ATP8B1: variants seen among roughly 807,000 people sequenced by gnomAD.
ATP8B1 encodes phospholipid-transporting ATPase IC.
In ATP8B1, 80 loss-of-function variants were observed where a neutral mutation model predicts 149.9. That is an observed-to-expected ratio of 0.53 (90% CI 0.45 to 0.64). ATP8B1 has a LOEUF of 0.64. Ranked by LOEUF, ATP8B1 falls within the 30% of genes least tolerant of loss-of-function variation. The pLI is 0.00. For synonymous variants in ATP8B1, 536 were observed against 562.8 expected (o/e 0.95, Z 0.67); for missense variants, 1,247 against 1,552.6 (o/e 0.80, Z 3.31).
Position 57,756,160 on chromosome 18 carries a change from G to A in ATP8B1, c.-25-24328C>T, listed in dbSNP as rs576483647. On this transcript the variant is annotated intron_variant, in intron 1 of 27. Transcript: ENST00000648908. ...CTAGAATCAGGTGTTACTTTAGGTA[G>A]CCATGTCCTTTAATCTGAAACATTT... Among the ~76,000 whole-genome samples the A allele has an allele frequency of 6.9e-5, 10 of 145,038 alleles. No individual in the cohort carries two copies. In the South Asian group the frequency reaches 2.2e-3, roughly 31 times the overall value.
intron 17 of ATP8B1, 148 bp from the exon 18 acceptor site, chr18:57,669,630 CTT>C: frequency 1.3e-6 from 1 of 798,866 alleles, no homozygotes; most frequent in Non-Finnish European, 1.9e-6. Flanking sequence ...TACAAATACA[CTT>C]TAGAGAGGGG....
At chr18:57,787,528 G>GAACAAT (rs2080421823) in intron 1 of ATP8B1, among the ~76,000 whole-genome samples, 2 of 152,104 alleles carry the variant, frequency 1.3e-5, no homozygotes, top group African/African-American at 4.8e-5. Context: ...GCTCCATCTA[G>GAACAAT]GACACTGTGG....
chr18:57,668,230 G>A (rs1190353302), intron 19 of ATP8B1, 199 bp downstream of exon 19: 2 of 1,426,118 alleles, frequency 1.4e-6, no homozygotes, highest in Non-Finnish European at 1.9e-6. Context: ...GGAAGAAACT[G>A]CTACTGAGGG....
chr18:57,783,484 G>C (rs2080376449), intron 1 of ATP8B1, among the ~76,000 whole-genome samples: 1 of 152,072 alleles, frequency 6.6e-6, no homozygotes, highest in African/African-American at 2.4e-5. Context: ...AATATGCCTG[G>C]TAGATGCTGC....
chr18:57,727,898 C>T (rs769908334), intron 2 of ATP8B1, among the ~76,000 whole-genome samples: 4 of 152,154 alleles, frequency 2.6e-5, no homozygotes, highest in Non-Finnish European at 4.4e-5. Context: ...GAGCTCATCC[C>T]ATAGCACTGA....
At chr18:57,693,295 A>C (rs1912633401) in intron 11 of ATP8B1, among the ~76,000 whole-genome samples, 1 of 152,216 alleles carries the variant, frequency 6.6e-6, no homozygotes, top group East Asian at 1.9e-4. Context: ...AGAAAAGAGC[A>C]AACATAGCAG....
intron 1 of ATP8B1, among the ~76,000 whole-genome samples, chr18:57,774,718 G>A (rs928407542): frequency 6.6e-6 from 1 of 152,208 alleles, no homozygotes; most frequent in African/African-American, 2.4e-5. Flanking sequence ...ACAGTACAAT[G>A]TACGGTAACT....
intron 1 of ATP8B1, 112 bp from the exon 2 acceptor site, chr18:57,731,944 A>G (rs542828114): frequency 6.9e-5 from 69 of 994,416 alleles, no homozygotes; most frequent in Admixed American, 1.2e-4. Flanking sequence ...CTAACATGTA[A>G]ATATTCTGGA....
At chr18:57,778,640 G>T (rs1415542309) in intron 1 of ATP8B1, among the ~76,000 whole-genome samples, 1 of 152,176 alleles carries the variant, frequency 6.6e-6, no homozygotes, top group East Asian at 1.9e-4. Context: ...TCGGCCTGGG[G>T]ATGATCCACC....
chr18:57,649,602 C>G (rs1209094086), intron 27 of ATP8B1, among the ~76,000 whole-genome samples: 2 of 152,258 alleles, frequency 1.3e-5, no homozygotes, highest in African/African-American at 2.4e-5. Flanking sequence ...TTGCCCCCCC[C>G]AACCCCTCAC....
chr18:57,680,489 CAGG>C (rs1911892576), intron 15 of ATP8B1, among the ~76,000 whole-genome samples: 1 of 151,116 alleles, frequency 6.6e-6, no homozygotes, highest in South Asian at 2.1e-4. Flanking sequence ...GAGGCTGAGG[CAGG>C]AGAATTGATT....
At chr18:57,799,031 C>T (rs972530426) in intron 1 of ATP8B1, among the ~76,000 whole-genome samples, 6 of 152,194 alleles carry the variant, frequency 3.9e-5, no homozygotes, top group African/African-American at 7.2e-5. Flanking sequence ...AATGTATTAA[C>T]GACTACCTTT....
At chr18:57,786,540 C>T (rs2080411846) in intron 1 of ATP8B1, among the ~76,000 whole-genome samples, 1 of 152,170 alleles carries the variant, frequency 6.6e-6, no homozygotes, top group Non-Finnish European at 1.5e-5. Context: ...AGTGTCTAGG[C>T]AACCACCACT....
Position 57,674,241 on chromosome 18 carries a change from CAAAAA to C in ATP8B1, c.1819+588_1819+592del, listed in dbSNP as rs745500180. ...TGGGTGACGGAGCAAGACTCCATCTCAAAAAAAAAAAAAAAAAGAAAAGAAAAGAA... is the reference window on the plus strand; with the variant it reads ...TGGGTGACGGAGCAAGACTCCATCTCAAAAAAAAAAAAGAAAAGAAAAGAA... On this transcript the variant is annotated intron_variant, in intron 16 of 27. Transcript: ENST00000648908. Among the ~76,000 whole-genome samples the C allele has an allele frequency of 2.1e-3, 173 of 82,614 alleles. 1 individual carries two copies. The highest frequency in any genetic ancestry group is 9.1e-3 in the Middle Eastern group (1 of 110). The allele number at this position is 82,614 out of a possible 152,430, so 54.2% of individuals were successfully genotyped here.
At chr18:57,773,663 C>T (rs1186756518) in intron 1 of ATP8B1, among the ~76,000 whole-genome samples, 3 of 152,134 alleles carry the variant, frequency 2.0e-5, no homozygotes, top group Admixed American at 1.3e-4. Flanking sequence ...CCCTCAATTT[C>T]CCTCATAACT....
intron 18 of ATP8B1, 199 bp from the exon 19 acceptor site, chr18:57,668,739 T>C: frequency 5.7e-6 from 3 of 523,436 alleles, no homozygotes; most frequent in Non-Finnish European, 1.0e-5. Flanking sequence ...CTAAAAACTT[T>C]TTCCCTAAAG....
intron 2 of ATP8B1, among the ~76,000 whole-genome samples, chr18:57,726,570 T>G (rs1407384514): frequency 3.9e-5 from 6 of 152,190 alleles, no homozygotes; most frequent in Non-Finnish European, 7.3e-5. Flanking sequence ...CAGGCAGGAC[T>G]GAGAACCCCC....
chr18:57,685,245 T>C, intron 13 of ATP8B1, 130 bp from the exon 14 acceptor site: 1 of 850,672 alleles, frequency 1.2e-6, no homozygotes, highest in East Asian at 2.6e-5. Flanking sequence ...ATATTTATTA[T>C]CTGGCACTTT....
chr18:57,669,703 G>A (rs987941503), intron 17 of ATP8B1, among the ~76,000 whole-genome samples: 2 of 151,800 alleles, frequency 1.3e-5, no homozygotes, highest in Admixed American at 6.6e-5. Context: ...AGGCTGGGAT[G>A]CAGTGATGCA....
Sources: allele counts gnomAD v4.1 joint callset (sites outside exome capture counted in the v4.1 genomes callset), GRCh38; gene constraint gnomAD v4.1.1; transcripts MANE v1.5; gene names NCBI Gene and HGNC (gene_info 2026-07-23, HGNC 2026-07-21).